The following ZCCHC7 variants were observed in gnomAD, a reference collection of about 807,000 sequenced individuals.
ZCCHC7 encodes zinc finger CCHC domain-containing protein 7.
Under a neutral mutation model 52.0 loss-of-function variants are expected in ZCCHC7, and 35 were observed. That is an observed-to-expected ratio of 0.67 (90% CI 0.51 to 0.89). The LOEUF is 0.89. Ranked by LOEUF, ZCCHC7 falls within the 40% of genes least tolerant of loss-of-function variation. The pLI is 0.00. For synonymous variants in ZCCHC7, 217 were observed against 221.5 expected (o/e 0.98, Z 0.18); for missense variants, 574 against 649.1 (o/e 0.88, Z 1.26).
intron 2 of ZCCHC7, among the ~76,000 whole-genome samples, chr9:37,207,998 C>T (rs1824014040): frequency 6.6e-6 from 1 of 152,018 alleles, no homozygotes; most frequent in Non-Finnish European, 1.5e-5. Context: ...TGTACTCTGG[C>T]CCTCCTTTCT....
At chr9:37,324,804 A>G (rs2118088530) in intron 5 of ZCCHC7, among the ~76,000 whole-genome samples, 1 of 152,294 alleles carries the variant, frequency 6.6e-6, no homozygotes, top group Admixed American at 6.5e-5. Context: ...AGGAGGAGGA[A>G]AGGCCGCTTA....
chr9:37,304,176 T>TG lies in ZCCHC7; in HGVS notation c.655-12_655-11insG. The TG allele has an allele frequency of 6.3e-7, 1 of 1,589,292 alleles. No individual in the cohort carries two copies. Among genetic ancestry groups the TG allele is most frequent in the Non-Finnish European group, 8.5e-7 (1 of 1,172,982 alleles). On this transcript the variant is annotated splice_polypyrimidine_tract_variant and intron_variant, in intron 3 of 8. Transcript: ENST00000336755. ...AACAATTTTTTTAATTCTTGATTTT[T>TG]TTTTCCCTTAGGCCCAGATAGCTAA...
intron 2 of ZCCHC7, among the ~76,000 whole-genome samples, chr9:37,261,657 T>C (rs1485112289): frequency 6.6e-6 from 1 of 152,172 alleles, no homozygotes. Context: ...CCTTGAACAC[T>C]GTGACATGAA....
intron 1 of ZCCHC7, among the ~76,000 whole-genome samples, chr9:37,124,349 G>A (rs1274366341): frequency 6.6e-6 from 1 of 151,698 alleles, no homozygotes; most frequent in East Asian, 1.9e-4. Context: ...AGACAACAGA[G>A]AAATTCATCT....
chr9:37,205,675 C>T (rs1016901115), intron 2 of ZCCHC7, among the ~76,000 whole-genome samples: 1 of 149,992 alleles, frequency 6.7e-6, no homozygotes, highest in Non-Finnish European at 1.5e-5. Flanking sequence ...TGCGACCACA[C>T]CTGGTTAATT....
intron 1 of ZCCHC7, among the ~76,000 whole-genome samples, chr9:37,123,790 G>T (rs1842425196): frequency 6.6e-6 from 1 of 152,118 alleles, no homozygotes; most frequent in Non-Finnish European, 1.5e-5. Context: ...AAAAGGAAAG[G>T]ATTCATCTTT....
At chr9:37,306,469 A>G (rs551415907) in intron 5 of ZCCHC7, among the ~76,000 whole-genome samples, 2 of 150,704 alleles carry the variant, frequency 1.3e-5, no homozygotes, top group African/African-American at 4.9e-5. Flanking sequence ...TTTTTATTTT[A>G]TTTATTTATT....
chr9:37,245,184 A>G (rs984268959), intron 2 of ZCCHC7, among the ~76,000 whole-genome samples: 4 of 151,906 alleles, frequency 2.6e-5, no homozygotes, highest in Non-Finnish European at 5.9e-5. Context: ...AGTAACTTTA[A>G]AGATAAACTT....
intron 2 of ZCCHC7, among the ~76,000 whole-genome samples, chr9:37,197,169 A>C (rs1428791095): frequency 1.3e-5 from 2 of 152,196 alleles, no homozygotes; most frequent in African/African-American, 4.8e-5. Context: ...ACACTTTAAA[A>C]TTAGACTTCC....
chr9:37,279,988 A>T (rs1009818144), intron 2 of ZCCHC7, among the ~76,000 whole-genome samples: 1 of 152,114 alleles, frequency 6.6e-6, no homozygotes, highest in African/African-American at 2.4e-5. Context: ...CCCTGTCTCT[A>T]CTAAAAATAC....
chr9:37,157,992 C>T (rs1820904522), intron 2 of ZCCHC7, among the ~76,000 whole-genome samples: 1 of 152,200 alleles, frequency 6.6e-6, no homozygotes, highest in Admixed American at 6.5e-5. Flanking sequence ...TTTGCACTGC[C>T]ATGTTACGTT....
intron 2 of ZCCHC7, among the ~76,000 whole-genome samples, chr9:37,180,447 T>C (rs1822287286): frequency 6.6e-6 from 1 of 152,186 alleles, no homozygotes; most frequent in Non-Finnish European, 1.5e-5. Flanking sequence ...TTGGTGGTTT[T>C]AAAAGTATAT....
intron 2 of ZCCHC7, among the ~76,000 whole-genome samples, chr9:37,274,226 A>G (rs1005264458): frequency 6.8e-6 from 1 of 148,100 alleles, no homozygotes; most frequent in Non-Finnish European, 1.5e-5. Context: ...TTGAATATGC[A>G]TATACACACA....
At chr9:37,130,825 T>C (rs974520592) in intron 2 of ZCCHC7, among the ~76,000 whole-genome samples, 3 of 151,894 alleles carry the variant, frequency 2.0e-5, no homozygotes, top group African/African-American at 7.3e-5. Flanking sequence ...GAGTTAAGTC[T>C]CAAAATTCTG....
At chr9:37,330,921 G>A (rs566099849) in intron 6 of ZCCHC7, among the ~76,000 whole-genome samples, 47 of 151,794 alleles carry the variant, frequency 3.1e-4, no homozygotes, top group Admixed American at 9.2e-4. Context: ...ACATGAGTTG[G>A]ACATTTGGTT....
intron 2 of ZCCHC7, among the ~76,000 whole-genome samples, chr9:37,294,410 T>C (rs1828683904): frequency 2.0e-5 from 3 of 152,338 alleles, no homozygotes; most frequent in Admixed American, 1.3e-4. Flanking sequence ...CTGTGTGGTC[T>C]TTAATCCATA....
At chr9:37,153,783 G>C (rs1820669358) in intron 2 of ZCCHC7, among the ~76,000 whole-genome samples, 1 of 152,048 alleles carries the variant, frequency 6.6e-6, no homozygotes, top group South Asian at 2.1e-4. Flanking sequence ...ATTTCTGAAA[G>C]GAGTCCTGGT....
At chr9:37,142,192 A>C (rs13297576) in intron 2 of ZCCHC7, among the ~76,000 whole-genome samples, 50,286 of 151,692 alleles carry the variant, frequency 0.33, 8,703 homozygotes, top group Middle Eastern at 0.41. Context: ...ATCAGGAAAA[A>C]TGATGTTATG....
At chr9:37,302,092 G>T (rs1829055975) in intron 2 of ZCCHC7, 96 bp from the exon 3 acceptor site, 1 of 962,478 alleles carries the variant, frequency 1.0e-6, no homozygotes. Context: ...GTACCTTTGG[G>T]GTCCAATTTG....
Sources: gnomAD v4.1 joint callset for allele counts (sites outside exome capture counted in the v4.1 genomes callset) on GRCh38, gnomAD v4.1.1 for gene constraint, MANE v1.5 for transcripts, NCBI Gene and HGNC (gene_info 2026-07-23, HGNC 2026-07-21) for gene names.